AXDND1: variants seen among roughly 807,000 people sequenced by gnomAD.
The protein encoded by AXDND1 is axonemal dynein light chain domain containing 1.
AXDND1 carries 110 observed loss-of-function variants against 137.5 expected under a neutral mutation model. The ratio of observed to expected loss-of-function variants is 0.80; its 90% CI spans 0.69 to 0.94. AXDND1 has a LOEUF of 0.94. AXDND1 is among the 40% of genes least tolerant of loss of function. The probability of loss-of-function intolerance (pLI) is 0.00; values close to 1 mark genes in which losing one functional copy is unlikely to be tolerated. For synonymous variants in AXDND1, 414 were observed against 399.7 expected, an observed-to-expected ratio of 1.04 and a Z score of -0.43; for missense variants, 1,191 against 1,169.8, an observed-to-expected ratio of 1.02 and a Z score of -0.26.
At chr1:179,403,577 G>A (rs1652439762) in intron 11 of AXDND1, among the ~76,000 whole-genome samples, 2 of 152,018 alleles carry the variant, frequency 1.3e-5, no homozygotes, top group South Asian at 2.1e-4. Context: ...TACATTATAT[G>A]GTACTTTATT....
At chr1:179,468,335 A>G in intron 16 of AXDND1, 108 bp from the exon 17 acceptor site, 1 of 768,682 alleles carries the variant, frequency 1.3e-6, no homozygotes, top group South Asian at 2.0e-5. Context: ...AGGATAATAA[A>G]AGATTTTTAA....
intron 6 of AXDND1, among the ~76,000 whole-genome samples, chr1:179,380,468 T>C (rs913175106): frequency 3.3e-5 from 5 of 152,234 alleles, no homozygotes; most frequent in Non-Finnish European, 7.3e-5. Flanking sequence ...AAAGTAGCCC[T>C]CTGAGCCAGC....
At chr1:179,411,337 GTTTT>G in intron 12 of AXDND1, 71 bp downstream of exon 12, 1 of 1,553,724 alleles carries the variant, frequency 6.4e-7, no homozygotes, top group Non-Finnish European at 8.7e-7. Flanking sequence ...TTTAAAATTT[GTTTT>G]TTTTGTTTTG....
intron 12 of AXDND1, among the ~76,000 whole-genome samples, chr1:179,414,721 G>A (rs1350444937): frequency 3.3e-5 from 5 of 151,950 alleles, no homozygotes; most frequent in Admixed American, 6.6e-5. Flanking sequence ...CACCGCGCCC[G>A]GCCAAATTAA....
intron 12 of AXDND1, among the ~76,000 whole-genome samples, chr1:179,424,670 T>G (rs1025931705): frequency 1.3e-5 from 2 of 152,064 alleles, no homozygotes; most frequent in African/African-American, 2.4e-5. Context: ...TCTCAGGTGA[T>G]CCACCTGCCC....
intron 20 of AXDND1, among the ~76,000 whole-genome samples, chr1:179,495,778 C>G (rs557630986): frequency 6.6e-6 from 1 of 151,290 alleles, no homozygotes; most frequent in East Asian, 1.9e-4. Flanking sequence ...CTTGGTCCAT[C>G]TTAGGGAAAA....
chr1:179,486,447 G>A (rs1666092175), intron 18 of AXDND1, among the ~76,000 whole-genome samples: 1 of 151,934 alleles, frequency 6.6e-6, no homozygotes, highest in South Asian at 2.1e-4. Flanking sequence ...CTCACTAAAG[G>A]GGCCAACATT....
intron 22 of AXDND1, among the ~76,000 whole-genome samples, chr1:179,526,352 A>G (rs1210770953): frequency 6.6e-6 from 1 of 152,156 alleles, no homozygotes; most frequent in Non-Finnish European, 1.5e-5. Context: ...ATGCAACACA[A>G]CTTCAAGGTT....
chr1:179,540,627 C>T (rs145257075), intron 25 of AXDND1, among the ~76,000 whole-genome samples: 3,705 of 152,248 alleles, frequency 0.024, 162 homozygotes, highest in African/African-American at 0.084. Flanking sequence ...AGGTGTCTGT[C>T]GGCCCCAACT....
At chr1:179,455,865 A>G (rs1432845452) in intron 16 of AXDND1, 2 of 190,640 alleles carry the variant, frequency 1.0e-5, no homozygotes, top group African/African-American at 2.5e-5. Context: ...AGTTTAAGAC[A>G]TAGTTTGTTT....
At chr1:179,414,677 A>G (rs12407246) in intron 12 of AXDND1, among the ~76,000 whole-genome samples, 97,531 of 151,782 alleles carry the variant, frequency 0.64, 31,708 homozygotes, top group Middle Eastern at 0.7. Flanking sequence ...CGCCCACCTC[A>G]GCCTGCCAAA....
At chr1:179,537,502 T>A (rs1167800183) in intron 25 of AXDND1, among the ~76,000 whole-genome samples, 1 of 152,224 alleles carries the variant, frequency 6.6e-6, no homozygotes, top group Non-Finnish European at 1.5e-5. Flanking sequence ...CGTTTATTGA[T>A]TTGCATATGC....
At chr1:179,538,868 G>A (rs2125719536) in intron 25 of AXDND1, among the ~76,000 whole-genome samples, 1 of 138,900 alleles carries the variant, frequency 7.2e-6, no homozygotes, top group South Asian at 2.2e-4. Context: ...TTCTGAATCT[G>A]GGTGCTCCTG....
At chr1:179,445,319 C>T (rs985681113) in intron 16 of AXDND1, 115 bp downstream of exon 16, 11 of 786,434 alleles carry the variant, frequency 1.4e-5, no homozygotes, top group Middle Eastern at 7.6e-4. Context: ...GTTTTAAAAA[C>T]CAAGCAAAAT....
At chr1:179,434,091 T>C (rs1657784914) in intron 15 of AXDND1, among the ~76,000 whole-genome samples, 2 of 152,210 alleles carry the variant, frequency 1.3e-5, no homozygotes, top group Non-Finnish European at 2.9e-5. Context: ...AATTGATCCC[T>C]TTACCATTAT....
chr1:179,463,774 A>G (rs536976545), intron 16 of AXDND1, among the ~76,000 whole-genome samples: 9 of 152,202 alleles, frequency 5.9e-5, no homozygotes, highest in Admixed American at 3.3e-4. Context: ...GTAGGTCTCT[A>G]AGGACTTGCT....
intron 17 of AXDND1, among the ~76,000 whole-genome samples, chr1:179,475,590 G>C (rs1240945510): frequency 6.6e-5 from 10 of 152,238 alleles, no homozygotes; most frequent in Admixed American, 5.9e-4. Flanking sequence ...TTTATCCAAT[G>C]CCTCTACCTG....
rs1383870849 is a variant in AXDND1, at chr1:179,395,207, G to A, written c.1109+5G>A. ...AAATGCGGAAAAGAATGCCAAGTGA[G>A]TTGCTTAAAGTTTGTTTAGCTTACA... On this transcript the variant is annotated splice_donor_5th_base_variant and intron_variant, in intron 11 of 25. Transcript: ENST00000367618. 6.2e-7 allele frequency: 1 copy of A among 1,609,160 alleles called. No homozygotes were observed. Among genetic ancestry groups the A allele is most frequent in the Non-Finnish European group, 8.5e-7 (1 of 1,178,104 alleles).
chr1:179,420,804 G>C (rs1320601947), intron 12 of AXDND1, among the ~76,000 whole-genome samples: 3 of 151,950 alleles, frequency 2.0e-5, no homozygotes, highest in Non-Finnish European at 4.4e-5. Flanking sequence ...TGTATTTTTA[G>C]TAGAGACGGT....
Sources: allele counts gnomAD v4.1 joint callset (sites outside exome capture counted in the v4.1 genomes callset), GRCh38; gene constraint gnomAD v4.1.1; transcripts MANE v1.5; gene names NCBI Gene and HGNC (gene_info 2026-07-23, HGNC 2026-07-21).